TBC1D19: variants seen among roughly 807,000 people sequenced by gnomAD.
The protein encoded by TBC1D19 is TBC1 domain family, member 19.
In TBC1D19, 60 loss-of-function variants were observed where a neutral mutation model predicts 89.0. The observed-to-expected ratio is 0.67, with a 90% CI of 0.55 to 0.84. The LOEUF (loss-of-function observed/expected upper bound fraction) is 0.84. Ranked by LOEUF, TBC1D19 falls within the 40% of genes least tolerant of loss-of-function variation. TBC1D19 has a pLI of 0.00. For missense variants in TBC1D19, 500 were observed against 610.8 expected (o/e 0.82, Z 1.91); for synonymous variants, 189 against 199.7 (o/e 0.95, Z 0.45).
At chr4:26,630,265 A>G (rs534731019) in intron 4 of TBC1D19, among the ~76,000 whole-genome samples, 136 of 152,064 alleles carry the variant, frequency 8.9e-4, no homozygotes, top group African/African-American at 3.1e-3. Flanking sequence ...TATTAGGGAA[A>G]TTTACTTGAA....
Position 26,683,758 on chromosome 4 carries a change from AAGTC to A in TBC1D19, c.891+12_891+15del. ...ACAGTCTAATCTATAAAGTAAGTAA[AAGTC>A]AGCTTAGTTTTTCCTTTTCATTAAT... is the stretch of plus-strand genomic sequence containing the variant. On this transcript the variant is annotated intron_variant, in intron 12 of 20. Coordinates refer to ENST00000264866, the MANE Select transcript of TBC1D19 (RefSeq NM_018317.4). 6.2e-7 allele frequency: 1 copy of A among 1,605,092 alleles called. No homozygotes were observed. Among genetic ancestry groups the A allele is most frequent in the Non-Finnish European group, 8.5e-7 (1 of 1,176,906 alleles).
chr4:26,641,730 T>A (rs1743553858), intron 7 of TBC1D19, among the ~76,000 whole-genome samples: 1 of 152,128 alleles, frequency 6.6e-6, no homozygotes, highest in South Asian at 2.1e-4. Context: ...AGAGAAGACC[T>A]TGAATGACCT....
the TBC1D19 span, among the ~76,000 whole-genome samples, chr4:26,769,124 G>A: frequency 0.12 from 18,936 of 152,038 alleles, 1,493 homozygotes; most frequent in South Asian, 0.25. Flanking sequence ...AAGCTAGAAG[G>A]CAGTAGACCG....
intron 11 of TBC1D19, 104 bp downstream of exon 11, chr4:26,673,992 T>C: frequency 1.7e-6 from 1 of 591,400 alleles, no homozygotes; most frequent in Middle Eastern, 2.8e-4. Context: ...AATCTATTAT[T>C]AACCCCCTTT....
chr4:26,684,903 A>G (rs759642235), intron 12 of TBC1D19, among the ~76,000 whole-genome samples: 9 of 152,200 alleles, frequency 5.9e-5, no homozygotes, highest in Non-Finnish European at 8.8e-5. Flanking sequence ...AGTAGCAGAT[A>G]CCAACATTTA....
At chr4:26,578,492 A>G (rs147135885) in intron 1 of TBC1D19, among the ~76,000 whole-genome samples, 10 of 152,190 alleles carry the variant, frequency 6.6e-5, no homozygotes, top group African/African-American at 2.4e-4. Flanking sequence ...GGTGAAAGGC[A>G]TGTAAGTTTC....
chr4:26,807,157 G>A, the TBC1D19 span, among the ~76,000 whole-genome samples: 1 of 152,120 alleles, frequency 6.6e-6, no homozygotes, highest in Non-Finnish European at 1.5e-5. Flanking sequence ...TGTTAGGGGT[G>A]TCGGCAACCT....
Position 26,578,574 on chromosome 4 carries a change from TAA to T in TBC1D19, c.6+1778_6+1779del, listed in dbSNP as rs1491546376. Among the ~76,000 whole-genome samples, 34 of 151,080 alleles carry T rather than the reference TAA, an allele frequency of 2.3e-4. 1 individual carries two copies. The highest frequency in any genetic ancestry group is 6.6e-4 in the African/African-American group (27 of 40,958). On this transcript the variant is annotated intron_variant, in intron 1 of 12. Transcript: ENST00000512840. Reference sequence around the variant, plus strand: ...AAGGAAACATTCTGGAGTAGAAATGTAAGAGAGAGAGAGAGAGAGAGAGCACG... The same window carrying T: ...AAGGAAACATTCTGGAGTAGAAATGTGAGAGAGAGAGAGAGAGAGAGCACG...
At chr4:26,707,324 T>A (rs1727197795) in intron 13 of TBC1D19, among the ~76,000 whole-genome samples, 1 of 152,082 alleles carries the variant, frequency 6.6e-6, no homozygotes, top group Non-Finnish European at 1.5e-5. Flanking sequence ...TTATTTAAAG[T>A]CTATTTTGTG....
chr4:26,782,800 C>T, the TBC1D19 span, among the ~76,000 whole-genome samples: 5 of 149,064 alleles, frequency 3.4e-5, no homozygotes. Flanking sequence ...CTATATATCC[C>T]AAAAGCAATA....
At chr4:26,676,178 A>G (rs146927561) in intron 11 of TBC1D19, among the ~76,000 whole-genome samples, 3,445 of 152,290 alleles carry the variant, frequency 0.023, 62 homozygotes, top group Middle Eastern at 0.061. Context: ...ACAACCTTAC[A>G]TTGGCTCTTA....
Position 26,614,446 on chromosome 4 carries a change from C to A in TBC1D19, c.211C>A (p.Leu71Met). 6.3e-7 allele frequency: 1 copy of A among 1,589,746 alleles called. No homozygotes were observed. Among genetic ancestry groups the A allele is most frequent in the Non-Finnish European group, 8.6e-7 (1 of 1,169,126 alleles). Residue 71 changes from leucine to methionine, a missense_variant, in exon 3 of 21, where the codon CTG (leucine) becomes ATG (methionine). Leu to Met is a conservative substitution (Grantham distance 15, BLOSUM62 2). Coordinates refer to ENST00000264866, the MANE Select transcript of TBC1D19 (RefSeq NM_018317.4). ...KKLQNAVYSE[L>M]SVFPLPSHPA... ...ACTTCAGAATGCTGTTTATAGTGAA[C>A]TGAGTGTGTGAGTTTTCCCACCTAT... is the stretch of plus-strand genomic sequence containing the variant.
At chr4:26,631,832 C>T (rs530153452) in intron 4 of TBC1D19, among the ~76,000 whole-genome samples, 23 of 152,164 alleles carry the variant, frequency 1.5e-4, no homozygotes, top group African/African-American at 5.3e-4. Context: ...AGTTGTGTTT[C>T]ATCAACTCTT....
chr4:26,647,454 C>T (rs1560443071), intron 7 of TBC1D19, among the ~76,000 whole-genome samples: 2 of 152,168 alleles, frequency 1.3e-5, no homozygotes, highest in African/African-American at 4.8e-5. Context: ...GTTTTTGTCA[C>T]CACCACTGCT....
chr4:26,831,948 A>G, the TBC1D19 span, among the ~76,000 whole-genome samples: 1 of 152,144 alleles, frequency 6.6e-6, no homozygotes, highest in Non-Finnish European at 1.5e-5. Flanking sequence ...TAAGGCTCCC[A>G]TATCTGCCAT....
At chr4:26,825,324 CTT>C in the TBC1D19 span, among the ~76,000 whole-genome samples, 1 of 152,158 alleles carries the variant, frequency 6.6e-6, no homozygotes, top group Non-Finnish European at 1.5e-5. Context: ...GTCTCAATCT[CTT>C]GACCTCATGA....
At chr4:26,636,138 A>G (rs1743104678) in intron 4 of TBC1D19, among the ~76,000 whole-genome samples, 1 of 151,954 alleles carries the variant, frequency 6.6e-6, no homozygotes, top group African/African-American at 2.4e-5. Flanking sequence ...ATTGTTCTTT[A>G]TGAGTAATAT....
intron 13 of TBC1D19, among the ~76,000 whole-genome samples, chr4:26,704,712 T>A (rs1011935432): frequency 3.9e-5 from 6 of 152,060 alleles, no homozygotes; most frequent in African/African-American, 9.7e-5. Context: ...GAAATATATA[T>A]AAATTCTATG....
In TBC1D19 at chr4:26,709,557, C is replaced by A. The variant is rs1238313652; in HGVS notation, c.955-8376C>A. ...TTTGGAGGATGGGGTGCTTTTTTCC[C>A]TTTCTGGGTCCTTTAAGCTGCTTGT... On this transcript the variant is annotated intron_variant, in intron 13 of 20. Coordinates refer to ENST00000264866, the MANE Select transcript of TBC1D19 (RefSeq NM_018317.4). Among the ~76,000 whole-genome samples, 6 of 151,898 alleles carry A rather than the reference C, an allele frequency of 4.0e-5. No individual in the cohort carries two copies. In the South Asian group the frequency reaches 1.2e-3, roughly 31 times the overall value.
Sources: gnomAD v4.1 joint callset for allele counts (sites outside exome capture counted in the v4.1 genomes callset) on GRCh38, gnomAD v4.1.1 for gene constraint, MANE v1.5 for transcripts, NCBI Gene and HGNC (gene_info 2026-07-23, HGNC 2026-07-21) for gene names.